The following SLC26A7 variants were observed in gnomAD, a reference collection of about 807,000 sequenced individuals.
SLC26A7 encodes anion exchange transporter.
Under a neutral mutation model 82.5 loss-of-function variants are expected in SLC26A7, and 59 were observed. The observed-to-expected ratio is 0.72, with a 90% CI of 0.58 to 0.89. The LOEUF (loss-of-function observed/expected upper bound fraction) is 0.89, where lower values mean the gene tolerates loss of function less well. Among genes scored for constraint, SLC26A7 ranks in the 40% least tolerant of loss-of-function variants. SLC26A7 has a pLI of 0.00. For missense variants in SLC26A7, 820 were observed against 793.0 expected (o/e 1.03, Z -0.41); for synonymous variants, 271 against 274.3 (o/e 0.99, Z 0.12).
At chr8:91,381,373 CTGCA>C (rs1483927284) in intron 15 of SLC26A7, among the ~76,000 whole-genome samples, 1 of 152,114 alleles carries the variant, frequency 6.6e-6, no homozygotes, top group African/African-American at 2.4e-5. Context: ...TATGAATGAA[CTGCA>C]TGGACCCACA....
chr8:91,354,093 T>C (rs1018702096), intron 11 of SLC26A7, among the ~76,000 whole-genome samples: 5 of 152,082 alleles, frequency 3.3e-5, no homozygotes, highest in Admixed American at 6.6e-5. Context: ...AAGGCCAAAA[T>C]TAACCATGAC....
chr8:91,381,764 T>G (rs535574742), intron 15 of SLC26A7, among the ~76,000 whole-genome samples: 39 of 152,252 alleles, frequency 2.6e-4, no homozygotes, highest in African/African-American at 8.9e-4. Context: ...CTCTCTCTTG[T>G]TCAAGTAACG....
At chr8:91,355,968 A>G (rs978752888) in intron 11 of SLC26A7, among the ~76,000 whole-genome samples, 2 of 152,096 alleles carry the variant, frequency 1.3e-5, no homozygotes, top group Non-Finnish European at 2.9e-5. Flanking sequence ...ATGAGTGAGA[A>G]CATACAGTGT....
chr8:91,255,266 G>C (rs868774219), intron 2 of SLC26A7, among the ~76,000 whole-genome samples: 1 of 152,092 alleles, frequency 6.6e-6, no homozygotes, highest in Admixed American at 6.6e-5. Flanking sequence ...GCAAACAAAA[G>C]ATGGATGTTC....
At chr8:91,310,236 G>A (rs148593368) in intron 4 of SLC26A7, among the ~76,000 whole-genome samples, 10 of 152,074 alleles carry the variant, frequency 6.6e-5, no homozygotes, top group South Asian at 2.1e-4. Context: ...TAACATTTCC[G>A]CCAACAGGCG....
chr8:91,288,151 G>T (rs1811760000), intron 2 of SLC26A7, among the ~76,000 whole-genome samples: 2 of 152,166 alleles, frequency 1.3e-5, no homozygotes, highest in South Asian at 4.1e-4. Flanking sequence ...AAGCTCAACA[G>T]TAAATATTAT....
In SLC26A7 at chr8:91,396,848, A is replaced by C. The variant is rs1257508963; in HGVS notation, c.*1751A>C. 6.6e-6 allele frequency: 1 copy of C among 152,122 alleles called. No homozygotes were observed. Among genetic ancestry groups the C allele is most frequent in the Non-Finnish European group, 1.5e-5 (1 of 67,956 alleles). 9.4% of individuals were successfully genotyped at this position (152,122 alleles called of 1,614,324 possible). A position where few individuals can be genotyped will look rare whatever the true frequency, so the allele number is the denominator to read the frequency against. On this transcript the variant is annotated 3_prime_UTR_variant, in exon 19 of 19. Coordinates refer to ENST00000276609, the MANE Select transcript of SLC26A7 (RefSeq NM_052832.4). ...TGGTAATATTCACCATCTCTAATTC[A>C]TTGGTCACTGGTAGGTAAGCATGAG...
rs970841411 is a variant in SLC26A7, at chr8:91,295,547, A to T, written c.321A>T (p.Thr107=). 1 of 1,612,664 alleles carries T rather than the reference A, an allele frequency of 6.2e-7. No homozygotes were observed. The highest frequency in any genetic ancestry group is 1.3e-5 in the African/African-American group (1 of 74,906). ...HHVATGTFAL[T]SLISANAVER... Reference sequence around the variant, plus strand: ...TGGTTTCAGGCACCTTTGCCTTGACATCCTTAATATCAGCCAACGCCGTGG... The same window carrying T: ...TGGTTTCAGGCACCTTTGCCTTGACTTCCTTAATATCAGCCAACGCCGTGG... The change falls in exon 4 of 19, where the codon ACA becomes ACT. Residue 107 remains threonine, a synonymous_variant. Coordinates refer to ENST00000276609, the MANE Select transcript of SLC26A7 (RefSeq NM_052832.4).
intron 18 of SLC26A7, 156 bp downstream of exon 18, chr8:91,394,195 G>T (rs781000111): frequency 2.5e-6 from 4 of 1,611,658 alleles, no homozygotes; most frequent in South Asian, 2.2e-5. Context: ...ACAGGTAAAA[G>T]AATGTTTCCA....
chr8:91,227,388 C>T (rs1026583135), intron 2 of SLC26A7, among the ~76,000 whole-genome samples: 1 of 152,118 alleles, frequency 6.6e-6, no homozygotes, highest in African/African-American at 2.4e-5. Context: ...AAACTCTTAA[C>T]ATCTATGTTG....
chr8:91,222,277 T>C (rs1326768510), intron 2 of SLC26A7, among the ~76,000 whole-genome samples: 1 of 152,202 alleles, frequency 6.6e-6, no homozygotes, highest in Non-Finnish European at 1.5e-5. Context: ...GCTGAGATGA[T>C]GGGGTTTTCT....
chr8:91,258,509 A>G (rs1586330026), intron 2 of SLC26A7, among the ~76,000 whole-genome samples: 1 of 152,072 alleles, frequency 6.6e-6, no homozygotes, highest in East Asian at 1.9e-4. Flanking sequence ...CTTCCCTCTT[A>G]ATGTCTGTCT....
intron 15 of SLC26A7, among the ~76,000 whole-genome samples, chr8:91,378,312 G>A (rs1368563606): frequency 6.7e-6 from 1 of 148,188 alleles, no homozygotes; most frequent in Non-Finnish European, 1.5e-5. Flanking sequence ...CTTGGTAAGA[G>A]AGAAAAAGAA....
At chr8:91,279,824 C>T (rs2130749787) in intron 2 of SLC26A7, among the ~76,000 whole-genome samples, 1 of 152,276 alleles carries the variant, frequency 6.6e-6, no homozygotes, top group South Asian at 2.1e-4. Context: ...TCCCAAAGTG[C>T]TGGAATTACA....
intron 6 of SLC26A7, among the ~76,000 whole-genome samples, chr8:91,336,510 T>TC (rs942425376): frequency 1.7e-4 from 26 of 149,936 alleles, no homozygotes; most frequent in African/African-American, 6.2e-4. Context: ...CCAAACCATC[T>TC]CCCCCCTCCT....
chr8:91,357,366 ATGTTC>A (rs1813899423), intron 11 of SLC26A7: 1 of 152,128 alleles, frequency 6.6e-6, no homozygotes, highest in Non-Finnish European at 1.5e-5. Context: ...AGTTTTGACC[ATGTTC>A]TGGCTTCATT....
chr8:91,354,518 A>G (rs1390609871), intron 11 of SLC26A7, among the ~76,000 whole-genome samples: 1 of 152,152 alleles, frequency 6.6e-6, no homozygotes, highest in Non-Finnish European at 1.5e-5. Context: ...ACTTGATTTC[A>G]TTATGAAGGC....
At chr8:91,241,144 C>A (rs372692759) in intron 2 of SLC26A7, among the ~76,000 whole-genome samples, 2 of 152,084 alleles carry the variant, frequency 1.3e-5, no homozygotes, top group Non-Finnish European at 2.9e-5. Context: ...TAACCAGTTT[C>A]TACTTCTTGG....
exon 1 of SLC26A7, chr8:91,209,531 T>C (rs975574355): frequency 6.6e-6 from 1 of 152,220 alleles, no homozygotes; most frequent in Non-Finnish European, 1.5e-5. Flanking sequence ...CCAAGCAATG[T>C]AGCTGTAAAA....
Sources: allele counts gnomAD v4.1 joint callset (sites outside exome capture counted in the v4.1 genomes callset), GRCh38; gene constraint gnomAD v4.1.1; transcripts MANE v1.5; gene names NCBI Gene and HGNC (gene_info 2026-07-23, HGNC 2026-07-21).